ACOXL: variants seen among roughly 807,000 people sequenced by gnomAD.
The protein encoded by ACOXL is acyl-coenzyme A oxidase-like protein.
In ACOXL, 70 loss-of-function variants were observed where a neutral mutation model predicts 71.9. That is an observed-to-expected ratio of 0.97 (90% CI 0.80 to 1.19). The LOEUF (loss-of-function observed/expected upper bound fraction) is 1.19, where lower values mean the gene tolerates loss of function less well. ACOXL is among the 50% of genes most tolerant of loss of function. ACOXL has a pLI of 0.00. For synonymous variants in ACOXL, 253 were observed against 281.6 expected, an observed-to-expected ratio of 0.90 and a Z score of 1.02; for missense variants, 703 against 736.3, an observed-to-expected ratio of 0.95 and a Z score of 0.52.
At chr2:110,971,140 A>T (rs1025352772) in intron 12 of ACOXL, among the ~76,000 whole-genome samples, 1 of 152,196 alleles carries the variant, frequency 6.6e-6, no homozygotes, top group Non-Finnish European at 1.5e-5. Flanking sequence ...AAACAATCCA[A>T]TTAGAAAGTG....
intron 14 of ACOXL, among the ~76,000 whole-genome samples, chr2:111,029,899 T>C (rs1256540809): frequency 2.6e-5 from 4 of 152,158 alleles, no homozygotes; most frequent in African/African-American, 9.7e-5. Context: ...GGTGCAGTTG[T>C]AGCCAGCTTT....
At chr2:110,775,732 A>C (rs76076884) in intron 2 of ACOXL, among the ~76,000 whole-genome samples, 2,129 of 152,312 alleles carry the variant, frequency 0.014, 61 homozygotes, top group African/African-American at 0.049. Context: ...ATCAAAAAAA[A>C]CAAAAAACCA....
intron 16 of ACOXL, among the ~76,000 whole-genome samples, chr2:111,067,043 A>G (rs762253383): frequency 6.6e-6 from 1 of 152,188 alleles, no homozygotes; most frequent in Non-Finnish European, 1.5e-5. Context: ...CTGACAACAG[A>G]TACTGCATCT....
At position 111,117,725 on chromosome 2, in the gene ACOXL, G is replaced by T; in HGVS notation, c.1652G>T (p.Arg551Leu). 1 of 1,551,696 alleles carries T rather than the reference G, an allele frequency of 6.4e-7. No individual in the cohort carries two copies. Among genetic ancestry groups the T allele is most frequent in the South Asian group, 1.2e-5 (1 of 84,062 alleles). ...HAPIAGISNP[R>L]AAWAFYPAPL... ...CCAATCGCCGGAATCTCCAACCCGC[G>T]GGCCGCGTGGGCTTTCTACCCTGCA... The change falls in exon 18 of 18, where the codon CGG becomes CTG. Residue 551 changes from arginine (R) to leucine (L), a missense_variant. Arg to Leu is a moderately radical substitution (Grantham distance 102). Transcript: ENST00000439055.
intron 9 of ACOXL, among the ~76,000 whole-genome samples, chr2:110,815,446 C>T (rs1325022536): frequency 6.6e-6 from 1 of 152,164 alleles, no homozygotes; most frequent in Non-Finnish European, 1.5e-5. Context: ...TGGCCTCTAT[C>T]TGATGCTTGT....
intron 14 of ACOXL, among the ~76,000 whole-genome samples, chr2:110,996,312 G>A (rs184384773): frequency 1.2e-4 from 18 of 152,272 alleles, no homozygotes; most frequent in African/African-American, 4.1e-4. Context: ...TGTTTTATGT[G>A]TATAAAGAGT....
Position 110,841,355 on chromosome 2 carries a change from C to T in ACOXL, c.754-16C>T. Reference sequence around the variant, plus strand: ...TTGATATTACTTAATTTGTTTTTCTCTCTTTTTAATTACAGCTTGGGTTGA... The same window carrying T: ...TTGATATTACTTAATTTGTTTTTCTTTCTTTTTAATTACAGCTTGGGTTGA... On this transcript the variant is annotated splice_polypyrimidine_tract_variant and intron_variant, in intron 9 of 17. Coordinates refer to ENST00000439055, the MANE Select transcript of ACOXL (RefSeq NM_001142807.4). The T allele has an allele frequency of 6.3e-7, 1 of 1,598,424 alleles. No individual in the cohort carries two copies. The highest frequency in any genetic ancestry group is 1.1e-5 in the South Asian group (1 of 89,906).
intron 9 of ACOXL, among the ~76,000 whole-genome samples, chr2:110,825,925 G>A (rs1474987477): frequency 1.3e-5 from 2 of 152,168 alleles, no homozygotes; most frequent in East Asian, 1.9e-4. Flanking sequence ...CAGGAGGAAG[G>A]TGTGGAGGAG....
At chr2:111,028,688 T>C (rs2065126357) in intron 14 of ACOXL, among the ~76,000 whole-genome samples, 1 of 152,190 alleles carries the variant, frequency 6.6e-6, no homozygotes, top group East Asian at 1.9e-4. Flanking sequence ...CCAAATCTAT[T>C]TGAGGCTTTT....
chr2:111,009,763 A>G (rs935391141), intron 14 of ACOXL, among the ~76,000 whole-genome samples: 5 of 152,168 alleles, frequency 3.3e-5, no homozygotes, highest in Admixed American at 2.6e-4. Flanking sequence ...ATTGCCCACC[A>G]CACAGGAGTC....
intron 7 of ACOXL, among the ~76,000 whole-genome samples, chr2:110,799,900 C>G (rs1171025067): frequency 6.6e-6 from 1 of 152,108 alleles, no homozygotes; most frequent in Non-Finnish European, 1.5e-5. Flanking sequence ...AATCAGCGCT[C>G]TGTAAAATGC....
intron 16 of ACOXL, among the ~76,000 whole-genome samples, chr2:111,078,577 T>A (rs1435959404): frequency 6.6e-6 from 1 of 152,204 alleles, no homozygotes; most frequent in Non-Finnish European, 1.5e-5. Context: ...ATTTTCTATT[T>A]CTTTACTGAA....
chr2:110,933,490 T>G lies in ACOXL; in HGVS notation c.907T>G (p.Tyr303Asp). 6.2e-7 allele frequency: 1 copy of G among 1,613,568 alleles called. No individual in the cohort carries two copies. Among genetic ancestry groups the G allele is most frequent in the Non-Finnish European group, 8.5e-7 (1 of 1,179,700 alleles). Residue 303 changes from tyrosine (Y) to aspartate (D), a missense_variant and splice_region_variant, in exon 12 of 18, where the codon TAT (tyrosine) becomes GAT (aspartate). Tyr to Asp is a radical substitution (Grantham distance 160). Transcript: ENST00000439055. ...TALALTFVSR[Y>D]AGALLDEDVF... ...ACACATGTCTGCTTTGTCCTGCAGG[T>G]ATGCTGGGGCCCTCCTGGATGAGGA...
chr2:110,898,978 T>C (rs1287179963), intron 10 of ACOXL, among the ~76,000 whole-genome samples: 4 of 152,166 alleles, frequency 2.6e-5, no homozygotes, highest in Non-Finnish European at 4.4e-5. Context: ...AAAAATATAA[T>C]ATAATTTATA....
chr2:110,765,216 C>T (rs114410620), intron 1 of ACOXL, among the ~76,000 whole-genome samples: 160 of 152,204 alleles, frequency 1.1e-3, no homozygotes, highest in African/African-American at 3.6e-3. Flanking sequence ...ATTTTTTCCT[C>T]GGCCTTAATT....
chr2:110,798,894 G>A, intron 6 of ACOXL, 120 bp from the exon 7 acceptor site: 1 of 1,205,332 alleles, frequency 8.3e-7, no homozygotes, highest in South Asian at 1.3e-5. Flanking sequence ...ATGCTCTCAT[G>A]CTTGGTGCAC....
chr2:110,952,019 A>G (rs2061350068), intron 12 of ACOXL, among the ~76,000 whole-genome samples: 2 of 151,876 alleles, frequency 1.3e-5, no homozygotes. Flanking sequence ...GGTGTTTCTT[A>G]TTTTTCTGTT....
intron 10 of ACOXL, among the ~76,000 whole-genome samples, chr2:110,858,958 C>T (rs981100702): frequency 3.9e-5 from 6 of 152,102 alleles, no homozygotes; most frequent in South Asian, 2.1e-4. Flanking sequence ...TCGTGCGAGG[C>T]GGTACCTTTG....
intron 1 of ACOXL, among the ~76,000 whole-genome samples, chr2:110,764,496 G>C (rs1253107489): frequency 1.3e-5 from 2 of 152,208 alleles, no homozygotes; most frequent in Middle Eastern, 3.2e-3. Flanking sequence ...ATCAGTGGCT[G>C]TCAGGGGTTG....
Sources: allele counts gnomAD v4.1 joint callset (sites outside exome capture counted in the v4.1 genomes callset), GRCh38; gene constraint gnomAD v4.1.1; transcripts MANE v1.5; gene names NCBI Gene and HGNC (gene_info 2026-07-23, HGNC 2026-07-21).